NIN: variants seen among roughly 807,000 people sequenced by gnomAD.
NIN encodes glycogen synthase kinase 3 beta-interacting protein.
In NIN, 137 loss-of-function variants were observed where a neutral mutation model predicts 257.6. The ratio of observed to expected loss-of-function variants is 0.53; its 90% confidence interval spans 0.46 to 0.61. The LOEUF (loss-of-function observed/expected upper bound fraction) is 0.61, where lower values mean the gene tolerates loss of function less well. Among genes scored for constraint, NIN ranks in the 20% least tolerant of loss-of-function variants. NIN has a pLI of 0.00. For synonymous variants in NIN, 918 were observed against 919.8 expected (o/e 1.00, Z 0.04); for missense variants, 2,439 against 2,501.2 (o/e 0.98, Z 0.53).
At chr14:50,818,896 C>CA (rs10618868) in intron 3 of NIN, among the ~76,000 whole-genome samples, 43 of 146,028 alleles carry the variant, frequency 2.9e-4, no homozygotes, top group African/African-American at 8.5e-4. Flanking sequence ...CATTAGGCCT[C>CA]AAAAAAAAAA....
chr14:50,822,307 C>T (rs542503059), intron 2 of NIN, among the ~76,000 whole-genome samples: 1 of 152,306 alleles, frequency 6.6e-6, no homozygotes, highest in African/African-American at 2.4e-5. Context: ...AAGCTCAGAT[C>T]ACACTGGGAG....
At chr14:50,789,407 T>G (rs1225531357) in intron 5 of NIN, among the ~76,000 whole-genome samples, 1 of 152,112 alleles carries the variant, frequency 6.6e-6, no homozygotes, top group Non-Finnish European at 1.5e-5. Flanking sequence ...ACCCCGTCTC[T>G]ACTAGAAATA....
intron 3 of NIN, among the ~76,000 whole-genome samples, chr14:50,817,740 G>A (rs900297091): frequency 1.3e-5 from 2 of 152,036 alleles, no homozygotes; most frequent in Non-Finnish European, 2.9e-5. Context: ...TTTTTGAAAC[G>A]GAATCTCGCT....
intron 23 of NIN, 46 bp from the exon 24 acceptor site, chr14:50,743,575 A>G (rs190426911): frequency 8.7e-7 from 1 of 1,146,256 alleles, no homozygotes; most frequent in Admixed American, 1.7e-5. Flanking sequence ...TTTTGCAAAC[A>G]TAGCTAGCCT....
At chr14:50,729,420 C>T in intron 29 of NIN, 103 bp downstream of exon 29, 1 of 1,090,360 alleles carries the variant, frequency 9.2e-7, no homozygotes, top group Non-Finnish European at 1.3e-6. Context: ...CAGGTGTGTG[C>T]CATTAGATTT....
chr14:50,823,286 G>C (rs963767390), intron 2 of NIN: 1 of 572,964 alleles, frequency 1.7e-6, no homozygotes, highest in African/African-American at 1.9e-5. Flanking sequence ...TACACCCTTG[G>C]GACGGTGACC....
At chr14:50,743,369 C>A (rs776858248) in intron 24 of NIN, 47 bp downstream of exon 24, 1 of 1,181,540 alleles carries the variant, frequency 8.5e-7, no homozygotes, top group East Asian at 2.3e-5. Context: ...GTTGGAAGAT[C>A]TAGGAGAATA....
At chr14:50,779,267 C>A (rs1224629240) in intron 5 of NIN, among the ~76,000 whole-genome samples, 1 of 152,160 alleles carries the variant, frequency 6.6e-6, no homozygotes, top group Non-Finnish European at 1.5e-5. Context: ...ATATTTCCTG[C>A]CCCAAGAAGT....
chr14:50,732,123 G>A (rs78685638), intron 28 of NIN, among the ~76,000 whole-genome samples: 1 of 152,116 alleles, frequency 6.6e-6, no homozygotes, highest in African/African-American at 2.4e-5. Flanking sequence ...AGTGATCTGT[G>A]ATCTTTAATT....
Position 50,734,079 on chromosome 14 carries a change from CTTCT to C in NIN, c.5877+1433_5877+1436del, listed in dbSNP as rs138162990. Among the ~76,000 whole-genome samples the C allele has an allele frequency of 8.1e-3, 1,207 of 148,530 alleles. 18 individuals carry two copies. Among genetic ancestry groups the C allele is most frequent in the African/African-American group, 0.028 (1,118 of 40,614 alleles). Reference sequence around the variant, plus strand: ...TTAAATAGCTCCATTTCTTCTTTTTCTTCTTTATTTTTTTTTTTTTTTCTTTTTG... The same window carrying C: ...TTAAATAGCTCCATTTCTTCTTTTTCTTATTTTTTTTTTTTTTTCTTTTTG... On this transcript the variant is annotated intron_variant, in intron 28 of 30. Coordinates refer to ENST00000530997, the MANE Select transcript of NIN (RefSeq NM_020921.4).
At chr14:50,811,379 G>C (rs572862680) in intron 3 of NIN, among the ~76,000 whole-genome samples, 1 of 152,074 alleles carries the variant, frequency 6.6e-6, no homozygotes, top group African/African-American at 2.4e-5. Flanking sequence ...AAAGTGTTGG[G>C]ATTACAGGTG....
At chr14:50,807,687 A>G (rs2044391897) in intron 3 of NIN, among the ~76,000 whole-genome samples, 1 of 152,272 alleles carries the variant, frequency 6.6e-6, no homozygotes, top group South Asian at 2.1e-4. Flanking sequence ...ATTACAAAAC[A>G]CTGCCTAGAG....
chr14:50,740,286 A>G (rs903338128), intron 25 of NIN, among the ~76,000 whole-genome samples: 8 of 152,082 alleles, frequency 5.3e-5, no homozygotes, highest in Non-Finnish European at 1.0e-4. Context: ...TCCCGGGCTC[A>G]AGCAATTCTT....
At chr14:50,779,406 C>A (rs752458615) in intron 5 of NIN, among the ~76,000 whole-genome samples, 21 of 152,168 alleles carry the variant, frequency 1.4e-4, no homozygotes, top group Non-Finnish European at 2.5e-4. Context: ...CTTGTTAGAT[C>A]GGGAAGAAGC....
intron 4 of NIN, 189 bp downstream of exon 4, chr14:50,806,548 A>G (rs1286630928): frequency 6.1e-6 from 3 of 489,674 alleles, no homozygotes; most frequent in African/African-American, 6.0e-5. Flanking sequence ...GTAGTAGAGA[A>G]GTCTCATTTT....
In NIN at chr14:50,766,907, A is replaced by G. The variant is rs199546499; in HGVS notation, c.1435-17T>C. ...ACTGTTTTCCTGAACAAGTATGGGG[A>G]AATTAAATGTGGTACAGATTAAGAA... On this transcript the variant is annotated splice_polypyrimidine_tract_variant and intron_variant, in intron 12 of 30. Transcript: ENST00000530997. The G allele has an allele frequency of 6.5e-7, 1 of 1,540,068 alleles. No homozygotes were observed. The highest frequency in any genetic ancestry group is 2.2e-5 in the East Asian group (1 of 44,504).
rs140358253 is a variant in NIN, at chr14:50,753,737, A to G, written c.4734+826T>C. 2.4e-4 allele frequency among the ~76,000 whole-genome samples: 37 copies of G among 152,314 alleles called. 2 individuals carry two copies. In the East Asian group the frequency reaches 5.8e-3, roughly 24 times the overall value. On this transcript the variant is annotated intron_variant, in intron 20 of 30. Coordinates refer to ENST00000530997, the MANE Select transcript of NIN (RefSeq NM_020921.4). ...CTACCACCTTATAATCCTAACAACA[A>G]TGCATGGGCACAGTCATTTCCTCAC...
chr14:50,790,865 T>C (rs1048087321), intron 5 of NIN, among the ~76,000 whole-genome samples: 3 of 152,228 alleles, frequency 2.0e-5, no homozygotes, highest in South Asian at 4.2e-4. Flanking sequence ...ATAGTAAATC[T>C]CCCTGGGCAC....
At chr14:50,794,782 C>T (rs2043762914) in intron 4 of NIN, among the ~76,000 whole-genome samples, 1 of 145,544 alleles carries the variant, frequency 6.9e-6, no homozygotes, top group African/African-American at 2.6e-5. Flanking sequence ...AAAAAAAAAG[C>T]AGTGGGAGAA....
Sources: gnomAD v4.1 joint callset for allele counts (sites outside exome capture counted in the v4.1 genomes callset) on GRCh38, gnomAD v4.1.1 for gene constraint, MANE v1.5 for transcripts, NCBI Gene and HGNC (gene_info 2026-07-23, HGNC 2026-07-21) for gene names.